The following SEMA6A variants were observed in gnomAD, a reference collection of about 807,000 sequenced individuals.
SEMA6A encodes semaphorin 6A, also known as semaphorin-6A.
SEMA6A carries 25 observed loss-of-function variants against 96.8 expected under a neutral mutation model. The ratio of observed to expected loss-of-function variants is 0.26; its 90% CI spans 0.19 to 0.36. The LOEUF (loss-of-function observed/expected upper bound fraction) is 0.36, where lower values mean the gene tolerates loss of function less well. Ranked by LOEUF, SEMA6A falls within the 10% of genes least tolerant of loss-of-function variation. SEMA6A has a pLI of 1.00. For synonymous variants in SEMA6A, 612 were observed against 518.0 expected (o/e 1.18, Z -2.46); for missense variants, 1,363 against 1,323.1 (o/e 1.03, Z -0.47).
At chr5:116,545,241 A>G (rs1441633623) in intron 1 of SEMA6A, among the ~76,000 whole-genome samples, 1 of 152,196 alleles carries the variant, frequency 6.6e-6, no homozygotes, top group Non-Finnish European at 1.5e-5. Flanking sequence ...TGGAGACAGG[A>G]CACAGTAGCA....
In SEMA6A at chr5:116,497,329, T is replaced by C; in HGVS notation, c.277A>G (p.Lys93Glu). 6.3e-7 allele frequency: 1 copy of C among 1,582,700 alleles called. No individual in the cohort carries two copies. ...AATATAGTTTTAAAACAACTTACTT[T>C]GCTACAATAAATTTCTTCCGTGTGT... Reference protein sequence around the residue: ...TSHTEEIYCSKKLTWKSRQAD... With the variant: ...TSHTEEIYCSEKLTWKSRQAD... The change falls in exon 4 of 19, where the codon AAA becomes GAA. Residue 93 changes from lysine (K) to glutamate (E), a missense_variant and splice_region_variant. By Grantham distance (56) the Lys-to-Glu change is moderately conservative. This residue lies in a region of SEMA6A where 480 missense variants were observed against 559.5 expected (regional missense o/e 0.86). Transcript: ENST00000343348.
chr5:116,508,014 A>C (rs558541166), intron 1 of SEMA6A: 41 of 152,182 alleles, frequency 2.7e-4, no homozygotes, highest in African/African-American at 9.2e-4. Flanking sequence ...TCTACACCCA[A>C]ATTTTTTTTC....
chr5:116,515,779 C>T (rs529016015), intron 1 of SEMA6A, among the ~76,000 whole-genome samples: 4 of 152,276 alleles, frequency 2.6e-5, no homozygotes, highest in Non-Finnish European at 4.4e-5. Flanking sequence ...CAGGCCTAAA[C>T]GGCTGCAGGG....
chr5:116,524,771 T>C (rs199772945), intron 1 of SEMA6A, among the ~76,000 whole-genome samples: 4 of 19,110 alleles, frequency 2.1e-4, no homozygotes, highest in Admixed American at 9.9e-4. Flanking sequence ...TGGGTATGTA[T>C]ACACACACAC....
rs965810448 is a variant in SEMA6A at position 116,448,209 on chromosome 5, G to T, written c.1895-398C>A. 4.0e-5 allele frequency among the ~76,000 whole-genome samples: 6 copies of T among 149,626 alleles called. No homozygotes were observed. The South Asian group carries it at 6.3e-4, about 16-fold the overall frequency. ...AAAAAAAAAAAAATTAGCCAGGCGC[G>T]GTGGCGGGGGCTTGTGATCCTAGGT... On this transcript the variant is annotated intron_variant, in intron 18 of 18. Transcript: ENST00000343348.
At chr5:116,470,517 T>A (rs1417057798) in intron 17 of SEMA6A, among the ~76,000 whole-genome samples, 3 of 152,184 alleles carry the variant, frequency 2.0e-5, no homozygotes, top group Non-Finnish European at 4.4e-5. Flanking sequence ...TCATTGTAAT[T>A]CCAGAGGTTA....
At chr5:116,538,274 G>T (rs141107755) in intron 1 of SEMA6A, among the ~76,000 whole-genome samples, 1 of 152,076 alleles carries the variant, frequency 6.6e-6, no homozygotes, top group African/African-American at 2.4e-5. Flanking sequence ...CATCTGTATG[G>T]GCTCATTGGT....
intron 1 of SEMA6A, among the ~76,000 whole-genome samples, chr5:116,567,846 A>G (rs1761075288): frequency 6.6e-6 from 1 of 152,236 alleles, no homozygotes; most frequent in Non-Finnish European, 1.5e-5. Flanking sequence ...TAATCGTTAC[A>G]CTGATTTGAA....
At chr5:116,523,486 A>AT (rs1426196299) in intron 1 of SEMA6A, among the ~76,000 whole-genome samples, 1 of 151,564 alleles carries the variant, frequency 6.6e-6, no homozygotes, top group Admixed American at 6.6e-5. Context: ...TAATTTTTGT[A>AT]TTTTTTGTAG....
At chr5:116,467,559 GA>G (rs1234618911) in intron 18 of SEMA6A, 23 bp downstream of exon 18, 1 of 1,597,474 alleles carries the variant, frequency 6.3e-7, no homozygotes, top group Non-Finnish European at 8.5e-7. Flanking sequence ...CCCCCGAGAG[GA>G]AGAGGCATTT....
Position 116,446,827 on chromosome 5 carries a change from G to A in SEMA6A, c.2879C>T (p.Pro960Leu), listed in dbSNP as rs567546754. 1.3e-5 allele frequency: 21 copies of A among 1,613,912 alleles called. No homozygotes were observed. The highest frequency in any genetic ancestry group is 1.6e-5 in the Non-Finnish European group (19 of 1,179,856). The change falls in exon 19 of 19, where the codon CCG (proline) becomes CTG (leucine). Residue 960 changes from proline (P) to leucine (L), a missense_variant. By Grantham distance (98) the Pro-to-Leu change is moderately conservative (BLOSUM62 -3). This residue lies in a region of SEMA6A where 883 missense variants were observed against 763.6 expected (regional missense o/e 1.16). Transcript: ENST00000343348. ...NQSFGRGDNP[P>L]PAPQRVDSIQ... ...GGAGTCCACCCTCTGCGGGGCGGGC[G>A]GCGGGTTGTCTCCCCTGCCAAAGCT...
chr5:116,449,439 C>G (rs1211785197), intron 18 of SEMA6A: 1 of 687,222 alleles, frequency 1.5e-6, no homozygotes, highest in Non-Finnish European at 2.6e-6. Flanking sequence ...ATAAAGATCT[C>G]TACCCCTTCC....
chr5:116,500,421 G>A (rs1052293041), intron 3 of SEMA6A, among the ~76,000 whole-genome samples: 1 of 152,146 alleles, frequency 6.6e-6, no homozygotes, highest in Non-Finnish European at 1.5e-5. Context: ...GTTGTTTCCA[G>A]GATTGGATGA....
chr5:116,487,827 G>T (rs1441179569), intron 9 of SEMA6A, among the ~76,000 whole-genome samples: 1 of 152,138 alleles, frequency 6.6e-6, no homozygotes, highest in Non-Finnish European at 1.5e-5. Context: ...TTGTACCACT[G>T]CACTCCAGCC....
chr5:116,495,366 T>A, intron 6 of SEMA6A, 47 bp downstream of exon 6: 3 of 1,395,644 alleles, frequency 2.1e-6, no homozygotes, highest in Non-Finnish European at 2.0e-6. Context: ...CAGTAAATTA[T>A]GAAATGCCTC....
intron 3 of SEMA6A, among the ~76,000 whole-genome samples, chr5:116,501,343 G>A (rs951338089): frequency 5.3e-5 from 8 of 152,086 alleles, no homozygotes; most frequent in Non-Finnish European, 7.3e-5. Flanking sequence ...ATGCCATTCA[G>A]CCTTAAGACA....
At chr5:116,490,443 C>T (rs1002862682) in intron 7 of SEMA6A, among the ~76,000 whole-genome samples, 1 of 152,312 alleles carries the variant, frequency 6.6e-6, no homozygotes, top group East Asian at 1.9e-4. Context: ...CCACATTCTC[C>T]AAGGCCCCAA....
At chr5:116,490,389 AC>A in intron 7 of SEMA6A, among the ~76,000 whole-genome samples, 1 of 152,242 alleles carries the variant, frequency 6.6e-6, no homozygotes, top group Non-Finnish European at 1.5e-5. Context: ...GGTGAGAGCT[AC>A]CACTCCTGGC....
chr5:116,459,767 C>T (rs887892663), intron 18 of SEMA6A, among the ~76,000 whole-genome samples: 2 of 152,150 alleles, frequency 1.3e-5, no homozygotes, highest in Non-Finnish European at 2.9e-5. Context: ...TACTGTCAGA[C>T]TTCACTCTGC....
Sources: allele counts gnomAD v4.1 joint callset (sites outside exome capture counted in the v4.1 genomes callset), GRCh38; gene constraint gnomAD v4.1.1; regional missense constraint gnomAD v4.1.1; transcripts MANE v1.5; gene names NCBI Gene and HGNC (gene_info 2026-07-23, HGNC 2026-07-21).